Variants in TSPAN6 observed in about 807,000 individuals in gnomAD.
The protein encoded by TSPAN6 is tetraspanin-6.
Under a neutral mutation model 18.0 loss-of-function variants are expected in TSPAN6, and 13 were observed. The ratio of observed to expected loss-of-function variants is 0.72; its 90% CI spans 0.47 to 1.15. The LOEUF is 1.15. TSPAN6 is among the 50% of genes most tolerant of loss of function. The pLI is 0.00. For synonymous variants in TSPAN6, 82 were observed against 67.0 expected, an observed-to-expected ratio of 1.22 and a Z score of -1.09; for missense variants, 186 against 183.9, an observed-to-expected ratio of 1.01 and a Z score of -0.07.
chrX:100,632,272 T>G (rs2083064780), intron 6 of TSPAN6, among the ~76,000 whole-genome samples: 4 of 110,803 alleles, frequency 3.6e-5, no homozygotes, highest in Admixed American at 2.9e-4. Context: ...CCAGGCATGG[T>G]GGCGCACACC....
In TSPAN6 at chrX:100,635,648, G is replaced by A. The variant is rs201464156; in HGVS notation, c.186C>T (p.Phe62=). 9.2e-5 allele frequency: 111 copies of A among 1,200,437 alleles called. No homozygotes were observed. The highest frequency in any genetic ancestry group is 9.2e-4 in the Middle Eastern group (4 of 4,359). ...LLNEKATNVP[F]VLIATGTVII... ...TGACGGTACCAGTAGCAATGAGCAC[G>A]AAGGGGACATTGGTGGCCTTCTCAT... Residue 62 remains phenylalanine, a synonymous_variant, in exon 2 of 8, where the codon TTC becomes TTT. Coordinates refer to ENST00000373020, the MANE Select transcript of TSPAN6 (RefSeq NM_003270.4).
chrX:100,632,003 AAAGT>A (rs1288552208), intron 6 of TSPAN6: 3 of 124,826 alleles, frequency 2.4e-5, no homozygotes, highest in Non-Finnish European at 4.8e-5. Context: ...TCTCCTAAAT[AAAGT>A]ATTTTTATAC....
chrX:100,632,342 G>GGTT (rs1266233207), intron 6 of TSPAN6, 143 bp downstream of exon 6: 1 of 476,700 alleles, frequency 2.1e-6, no homozygotes, highest in East Asian at 3.8e-5. Context: ...AGGAAGTGGA[G>GGTT]GTTGCAGGGA....
Position 100,632,488 on chromosome X carries a change from GAAGC to G in TSPAN6, c.662_665del (p.Cys221SerfsTer3). The G allele has an allele frequency of 8.4e-7, 1 of 1,197,023 alleles. No individual in the cohort carries two copies. The highest frequency in any genetic ancestry group is 1.1e-6 in the Non-Finnish European group (1 of 884,237). On this transcript the variant is annotated frameshift_variant, in exon 6 of 8. Coordinates refer to ENST00000373020, the MANE Select transcript of TSPAN6 (RefSeq NM_003270.4). LOFTEE classifies it high-confidence loss of function. The stretch of plus-strand genomic sequence containing the variant: ...CTAAGTAACTACAAAAACTTACTTG[GAAGC>G]AAGCAACTCCAAAGGAAATTCCTGC...
At position 100,635,995 on chromosome X, in the gene TSPAN6, G is replaced by T. The variant is rs781475105; in HGVS notation, c.88-249C>A. On this transcript the variant is annotated intron_variant, in intron 1 of 7. Transcript: ENST00000373020. Reference sequence around the variant, plus strand: ...CAAGCCCATGGCATATTTGCCCTAGGGATCAAAACTTCCTTAACTATCTTA... The same window carrying T: ...CAAGCCCATGGCATATTTGCCCTAGTGATCAAAACTTCCTTAACTATCTTA... 8.1e-5 allele frequency among the ~76,000 whole-genome samples: 9 copies of T among 111,510 alleles called. No individual in the cohort carries two copies. In the East Asian group the frequency reaches 2.5e-3, roughly 32 times the overall value.
chrX:100,630,033 A>C, intron 7 of TSPAN6, 47 bp from the exon 8 acceptor site: 1 of 698,982 alleles, frequency 1.4e-6, no homozygotes, highest in East Asian at 1.5e-4. Context: ...CCAAATTTCA[A>C]CATCTGTATT....
At position 100,636,657 on chromosome X, in the gene TSPAN6, A is replaced by C; in HGVS notation, c.38T>G (p.Val13Gly). Reference sequence around the variant, plus strand: ...CAGAACGCTCTTGAAACAAGTAATGACTGGTTTAGTCTGCAGTCTCCGAGA... The same window carrying C: ...CAGAACGCTCTTGAAACAAGTAATGCCTGGTTTAGTCTGCAGTCTCCGAGA... ...SPSRRLQTKP[V>G]ITCFKSVLLI... Residue 13 changes from valine to glycine, a missense_variant, in exon 1 of 8, where the codon GTC becomes GGC. By Grantham distance (109) the Val-to-Gly change is moderately radical (BLOSUM62 -3). Coordinates refer to ENST00000373020, the MANE Select transcript of TSPAN6 (RefSeq NM_003270.4). 8.3e-7 allele frequency: 1 copy of C among 1,206,377 alleles called. No individual in the cohort carries two copies. Among genetic ancestry groups the C allele is most frequent in the Non-Finnish European group, 1.1e-6 (1 of 892,970 alleles).
At chrX:100,635,446 T>C in intron 2 of TSPAN6, 112 bp downstream of exon 2, 7 of 782,486 alleles carry the variant, frequency 8.9e-6, no homozygotes, top group Non-Finnish European at 1.3e-5. Flanking sequence ...TAAGTTTCCA[T>C]AAGGAACAGG....
intron 2 of TSPAN6, 42 bp from the exon 3 acceptor site, chrX:100,635,294 T>C (rs750589911): frequency 4.7e-5 from 47 of 1,004,565 alleles, no homozygotes; most frequent in Non-Finnish European, 6.1e-5. Context: ...ATAAATAAGA[T>C]ATAGCACAAC....
At chrX:100,630,946 T>C (rs1326190905) in intron 6 of TSPAN6, 80 bp from the exon 7 acceptor site, 3 of 739,784 alleles carry the variant, frequency 4.1e-6, no homozygotes, top group Non-Finnish European at 6.2e-6. Context: ...CTCTCACTTG[T>C]AATTCGCTTA....
chrX:100,630,868 TAGAAATAAAATAGGAACAAAATTAAA>T lies in TSPAN6; in HGVS notation c.670-28_670-3del. ...GTAGGCGAGAAAGATTCCAATCAGC[TAGAAATAAAATAGGAACAAAATTAAA>T]TACATACACAAAAGAACTTGAACAC... On this transcript the variant is annotated splice_polypyrimidine_tract_variant and splice_region_variant and intron_variant, in intron 6 of 7. Transcript: ENST00000373020. 8.4e-7 allele frequency: 1 copy of T among 1,190,548 alleles called. No homozygotes were observed. The highest frequency in any genetic ancestry group is 1.1e-6 in the Non-Finnish European group (1 of 876,721).
intron 5 of TSPAN6, 47 bp from the exon 6 acceptor site, chrX:100,632,615 G>A (rs1410132323): frequency 1.1e-6 from 1 of 905,351 alleles, no homozygotes; most frequent in Non-Finnish European, 1.6e-6. Flanking sequence ...CAAGCAGCCT[G>A]TGCTTTTCTT....
rs1802288 is a variant in TSPAN6 at position 100,635,207 on chromosome X, C to T, written c.322G>A (p.Ala108Thr). 174,953 of 1,196,421 alleles carry T rather than the reference C, an allele frequency of 0.15. 9,726 individuals carry two copies. The highest frequency in any genetic ancestry group is 0.17 in the Middle Eastern group (747 of 4,344). Residue 108 changes from alanine to threonine, a missense_variant, in exon 3 of 8, where the codon GCC becomes ACC. By Grantham distance (58) the Ala-to-Thr change is moderately conservative. Coordinates refer to ENST00000373020, the MANE Select transcript of TSPAN6 (RefSeq NM_003270.4). ...TGTCTGAAAACAAATCCTACGATGG[C>T]AGCGACCAGTTCGACCAAAAAAACG... is the stretch of plus-strand genomic sequence containing the variant. Reference protein sequence around the residue: ...TLVFLVELVAAIVGFVFRHEI... With the variant: ...TLVFLVELVATIVGFVFRHEI...
chrX:100,630,022 C>T (rs1431560208), intron 7 of TSPAN6, 36 bp from the exon 8 acceptor site: 1 of 728,524 alleles, frequency 1.4e-6, no homozygotes, highest in Non-Finnish European at 1.6e-6. Context: ...GTACTTGTTA[C>T]CCAAATTTCA....
chrX:100,633,190 G>A (rs2083071835), intron 5 of TSPAN6, among the ~76,000 whole-genome samples: 2 of 110,926 alleles, frequency 1.8e-5, no homozygotes, highest in Admixed American at 1.9e-4. Context: ...GTGGTGGTGG[G>A]CACCTGTAGT....
At chrX:100,632,396 A>T in intron 6 of TSPAN6, 89 bp downstream of exon 6, 8 of 666,080 alleles carry the variant, frequency 1.2e-5, no homozygotes, top group Non-Finnish European at 1.6e-5. Flanking sequence ...ACCGAGCAAG[A>T]CTCCATCTCA....
At chrX:100,633,212 G>A (rs754607258) in intron 5 of TSPAN6, among the ~76,000 whole-genome samples, 193 bp downstream of exon 5, 31 of 111,028 alleles carry the variant, frequency 2.8e-4, no homozygotes, top group African/African-American at 1.0e-3. Context: ...CCAGCTACTC[G>A]AGAGGCTGAG....
chrX:100,636,831 A>C, upstream of TSPAN6: 1 of 665,636 alleles, frequency 1.5e-6, no homozygotes, highest in Non-Finnish European at 2.1e-6. Context: ...ACACTGTACA[A>C]TTTTGTAGAG....
chrX:100,632,796 C>T (rs913112602), intron 5 of TSPAN6, among the ~76,000 whole-genome samples: 1 of 111,177 alleles, frequency 9.0e-6, no homozygotes, highest in Non-Finnish European at 1.9e-5. Flanking sequence ...TAATTATTCC[C>T]AATTATTTCC....
Sources: gnomAD v4.1 joint callset for allele counts (sites outside exome capture counted in the v4.1 genomes callset) on GRCh38, gnomAD v4.1.1 for gene constraint, MANE v1.5 for transcripts, NCBI Gene and HGNC (gene_info 2026-07-23, HGNC 2026-07-21) for gene names.